Variants in NOL4L observed in about 807,000 individuals in gnomAD.
The protein encoded by NOL4L is nucleolar protein 4 like, also known as nucleolar protein 4-like.
NOL4L carries 7 observed loss-of-function variants against 64.5 expected under a neutral mutation model. The observed-to-expected ratio is 0.11, with a 90% CI of 0.06 to 0.20. The LOEUF is 0.20. Ranked by LOEUF, NOL4L falls within the 10% of genes least tolerant of loss-of-function variation. The pLI is 1.00. For synonymous variants in NOL4L, 413 were observed against 401.0 expected (o/e 1.03, Z -0.36); for missense variants, 680 against 967.1 (o/e 0.70, Z 3.94).
chr20:32,459,113 C>T (rs909212005), intron 5 of NOL4L, among the ~76,000 whole-genome samples: 4 of 152,192 alleles, frequency 2.6e-5, no homozygotes, highest in East Asian at 1.9e-4. Flanking sequence ...AGTGGTTGGG[C>T]GGGTAAGACC....
chr20:32,490,591 G>T (rs901958308), intron 4 of NOL4L, among the ~76,000 whole-genome samples: 1 of 152,148 alleles, frequency 6.6e-6, no homozygotes, highest in Non-Finnish European at 1.5e-5. Context: ...CTCACAGTCA[G>T]TTTGACACCT....
At chr20:32,540,062 G>C (rs2018625981) in intron 1 of NOL4L, among the ~76,000 whole-genome samples, 1 of 152,224 alleles carries the variant, frequency 6.6e-6, no homozygotes, top group Admixed American at 6.5e-5. Context: ...CCACCAGCTT[G>C]CCTCGGGTGT....
intron 5 of NOL4L, among the ~76,000 whole-genome samples, chr20:32,473,797 C>T (rs2015194566): frequency 6.6e-6 from 1 of 152,194 alleles, no homozygotes; most frequent in Admixed American, 6.5e-5. Flanking sequence ...TCCTACACCC[C>T]AGTTCTTGGG....
At position 32,447,366 on chromosome 20, in the gene NOL4L, C is replaced by T. The variant is rs6057583; in HGVS notation, c.*230G>A. ...CCTTCCAGAGCTGCCCCGTTGGCCT[C>T]TTCCAAGCAGGTCAGAGCACCCGTG... On this transcript the variant is annotated 3_prime_UTR_variant, in exon 11 of 11. Coordinates refer to ENST00000621426, the MANE Select transcript of NOL4L (RefSeq NM_001256798.2). The T allele has an allele frequency of 1.6e-6, 1 of 606,980 alleles. No homozygotes were observed. Among genetic ancestry groups the T allele is most frequent in the South Asian group, 1.6e-5 (1 of 61,360 alleles). The allele number at this position is 606,980 out of a possible 1,614,324, so 37.6% of individuals were successfully genotyped here. A position where few individuals can be genotyped will look rare whatever the true frequency, so the allele number is the denominator to read the frequency against.
At position 32,536,166 on chromosome 20, in the gene NOL4L, G is replaced by A. The variant is rs190939932; in HGVS notation, c.322-8253C>T. The A allele has an allele frequency of 2.3e-5, 23 of 985,644 alleles. No homozygotes were observed. In the African/African-American group the frequency reaches 3.8e-4, roughly 16 times the overall value. The allele number at this position is 985,644 out of a possible 1,614,324, so 61.1% of individuals were successfully genotyped here. On this transcript the variant is annotated intron_variant, in intron 1 of 10. Transcript: ENST00000621426. The stretch of plus-strand genomic sequence containing the variant: ...CCCGCCCTAGAAGACACCCATTAAA[G>A]AGCTCTGTCTGCTACTCTGGCGACC...
chr20:32,523,276 G>A (rs1457295024), intron 2 of NOL4L, among the ~76,000 whole-genome samples: 1 of 152,184 alleles, frequency 6.6e-6, no homozygotes, highest in Non-Finnish European at 1.5e-5. Context: ...AGGGAGGGAA[G>A]CCCTGCCCCA....
intron 4 of NOL4L, among the ~76,000 whole-genome samples, chr20:32,485,926 C>A (rs1042922579): frequency 6.6e-6 from 1 of 152,196 alleles, no homozygotes; most frequent in African/African-American, 2.4e-5. Flanking sequence ...GGAATTGAAC[C>A]CAGATAACCC....
Position 32,536,799 on chromosome 20 carries a change from TGGG to T in NOL4L, c.322-8889_322-8887del, listed in dbSNP as rs1315042922. 2.9e-3 allele frequency among the ~76,000 whole-genome samples: 93 copies of T among 31,882 alleles called. 3 individuals are homozygous for T. Among genetic ancestry groups the T allele is most frequent in the South Asian group, 7.1e-3 (8 of 1,130 alleles). 20.9% of individuals were successfully genotyped at this position (31,882 alleles called of 152,430 possible). A position where few individuals can be genotyped will look rare whatever the true frequency, so the allele number is the denominator to read the frequency against. On this transcript the variant is annotated intron_variant, in intron 1 of 10. Transcript: ENST00000621426. Reference sequence around the variant, plus strand: ...TCCGCGGCTGCAGCCCGGCTGGGAGTGGGGGGGGGGGGGCGCACCAACGGGGCG... The same window carrying T: ...TCCGCGGCTGCAGCCCGGCTGGGAGTGGGGGGGGGGCGCACCAACGGGGCG...
At chr20:32,479,143 A>C (rs1322677980) in intron 4 of NOL4L, among the ~76,000 whole-genome samples, 4 of 152,216 alleles carry the variant, frequency 2.6e-5, no homozygotes, top group African/African-American at 9.6e-5. Context: ...CCCTAAGCCA[A>C]GGCTGGAGAA....
intron 1 of NOL4L, among the ~76,000 whole-genome samples, chr20:32,582,583 T>TG (rs1013027206): frequency 2.7e-5 from 4 of 148,838 alleles, no homozygotes; most frequent in East Asian, 4.0e-4. Context: ...CTGCCAGGTC[T>TG]GGGGGGTCAC....
chr20:32,475,177 A>G, intron 4 of NOL4L: 1 of 985,472 alleles, frequency 1.0e-6, no homozygotes, highest in Non-Finnish European at 1.2e-6. Context: ...ACTGAGGCTG[A>G]GCTGAGTGCC....
Position 32,470,622 on chromosome 20 carries a change from A to G in NOL4L, c.841+3979T>C, listed in dbSNP as rs539644098. Among the ~76,000 whole-genome samples, 10 of 152,320 alleles carry G rather than the reference A, an allele frequency of 6.6e-5. 1 individual carries two copies. The highest frequency in any genetic ancestry group is 3.9e-4 in the Admixed American group (6 of 15,304). On this transcript the variant is annotated intron_variant, in intron 5 of 10. Coordinates refer to ENST00000621426, the MANE Select transcript of NOL4L (RefSeq NM_001256798.2). ...CTCAGGCATCCTCCCTCCACACCCT[A>G]TGATGTGCACAGAGCCCTGTTCAGA... is the stretch of plus-strand genomic sequence containing the variant.
chr20:32,469,087 A>G, intron 5 of NOL4L, among the ~76,000 whole-genome samples: 1 of 151,866 alleles, frequency 6.6e-6, no homozygotes, highest in East Asian at 1.9e-4. Flanking sequence ...CTGGGCTCAC[A>G]GGGTCAGGCT....
In NOL4L at chr20:32,463,742, C is replaced by T. The variant is rs2014297474; in HGVS notation, c.842-7347G>A. Reference sequence around the variant, plus strand: ...AATGCCCTTATGTGGGCGCCAGTGCCCCGCAGCCCGCACAAGCCCAGCTCT... The same window carrying T: ...AATGCCCTTATGTGGGCGCCAGTGCTCCGCAGCCCGCACAAGCCCAGCTCT... On this transcript the variant is annotated intron_variant, in intron 5 of 10. Transcript: ENST00000621426. The surrounding 1 kb of genome is among the most constrained non-coding windows in gnomAD (Gnocchi z 5.8). Among the ~76,000 whole-genome samples, 1 of 152,196 alleles carries T rather than the reference C, an allele frequency of 6.6e-6. No homozygotes were observed. The highest frequency in any genetic ancestry group is 2.4e-5 in the African/African-American group (1 of 41,454).
At chr20:32,541,005 CCCTACACACACACACA>C (rs2018644406) in intron 1 of NOL4L, among the ~76,000 whole-genome samples, 2 of 52,434 alleles carry the variant, frequency 3.8e-5, no homozygotes, top group African/African-American at 1.7e-4. Flanking sequence ...CCTCGCCACC[CCCTACACACACACACA>C]CACACACACA....
At chr20:32,496,976 C>T (rs891882433) in intron 4 of NOL4L, among the ~76,000 whole-genome samples, 7 of 146,438 alleles carry the variant, frequency 4.8e-5, no homozygotes, top group Non-Finnish European at 1.0e-4. Context: ...ACCCGCCTGC[C>T]GGGATCCACA....
chr20:32,550,619 C>T (rs558621680), intron 1 of NOL4L, among the ~76,000 whole-genome samples: 11 of 152,298 alleles, frequency 7.2e-5, no homozygotes, highest in East Asian at 5.8e-4. Flanking sequence ...CAGTGGCTCA[C>T]GCCTATAATC....
chr20:32,547,738 G>A (rs2145602822), intron 1 of NOL4L, among the ~76,000 whole-genome samples: 1 of 152,290 alleles, frequency 6.6e-6, no homozygotes, highest in Admixed American at 6.5e-5. Context: ...TGTACTGCCT[G>A]TCAAATGCCA....
intron 1 of NOL4L, among the ~76,000 whole-genome samples, chr20:32,536,826 C>CG (rs1246424504): frequency 0.17 from 711 of 4,250 alleles, 45 homozygotes; most frequent in African/African-American, 0.33. Flanking sequence ...ACCAACGGGG[C>CG]GGGGGGGGGA....
Sources: gnomAD v4.1 joint callset for allele counts (sites outside exome capture counted in the v4.1 genomes callset) on GRCh38, gnomAD v4.1.1 for gene constraint, Gnocchi (gnomAD v3.1) non-coding constraint, MANE v1.5 for transcripts, NCBI Gene and HGNC (gene_info 2026-07-23, HGNC 2026-07-21) for gene names.